The following RALGPS1 variants were observed in gnomAD, a reference collection of about 807,000 sequenced individuals.
RALGPS1 encodes ras-specific guanine nucleotide-releasing factor RalGPS1.
Under a neutral mutation model 78.8 loss-of-function variants are expected in RALGPS1, and 19 were observed. The ratio of observed to expected loss-of-function variants is 0.24; its 90% confidence interval spans 0.17 to 0.35. The LOEUF (loss-of-function observed/expected upper bound fraction) is 0.35. Ranked by LOEUF, RALGPS1 falls within the 10% of genes least tolerant of loss-of-function variation. The pLI, the probability that RALGPS1 is intolerant of heterozygous loss-of-function variation, is 1.00. For synonymous variants in RALGPS1, 228 were observed against 256.3 expected, an observed-to-expected ratio of 0.89 and a Z score of 1.06; for missense variants, 454 against 688.3, an observed-to-expected ratio of 0.66 and a Z score of 3.81.
intron 4 of RALGPS1, among the ~76,000 whole-genome samples, chr9:127,032,891 A>G (rs1280546106): frequency 1.3e-5 from 2 of 152,268 alleles, no homozygotes; most frequent in Non-Finnish European, 2.9e-5. Flanking sequence ...GAAGAATCAT[A>G]GTAAACAGCT....
chr9:126,998,750 G>A lies in RALGPS1; in HGVS notation c.216+21005G>A, dbSNP rs370166686. 4.0e-5 allele frequency among the ~76,000 whole-genome samples: 6 copies of A among 151,870 alleles called. No individual in the cohort carries two copies. The South Asian group carries it at 6.2e-4, about 16-fold the overall frequency. On this transcript the variant is annotated intron_variant, in intron 4 of 18. Transcript: ENST00000259351. ...TTATAGCGGCACTATTCACAATAGCGAAGACTTGGAACCAACCTAAATGTC... is the reference window on the plus strand; with the variant it reads ...TTATAGCGGCACTATTCACAATAGCAAAGACTTGGAACCAACCTAAATGTC...
chr9:127,024,625 TTG>T (rs1417426425), intron 4 of RALGPS1, among the ~76,000 whole-genome samples: 1 of 152,056 alleles, frequency 6.6e-6, no homozygotes, highest in Non-Finnish European at 1.5e-5. Flanking sequence ...TATGCCAGGA[TTG>T]TGTTTCATTC....
intron 1 of RALGPS1, among the ~76,000 whole-genome samples, chr9:126,920,338 G>T (rs574312208): frequency 2.0e-5 from 3 of 152,312 alleles, no homozygotes; most frequent in South Asian, 4.1e-4. Context: ...TATATGCTAG[G>T]TGTAGGCTTT....
In RALGPS1 at chr9:126,977,753, CTTTG is replaced by C; in HGVS notation, c.216+10_216+13del. The C allele has an allele frequency of 6.3e-7, 1 of 1,589,818 alleles. No homozygotes were observed. The highest frequency in any genetic ancestry group is 8.6e-7 in the Non-Finnish European group (1 of 1,163,508). On this transcript the variant is annotated intron_variant, in intron 4 of 18. Transcript: ENST00000259351. ...AAAGCTATCCAGCCGGAGGTCTGTACTTTGTCTTTCTACTCTTCTATTCATGCTG... is the reference window on the plus strand; with the variant it reads ...AAAGCTATCCAGCCGGAGGTCTGTACTCTTTCTACTCTTCTATTCATGCTG...
intron 4 of RALGPS1, among the ~76,000 whole-genome samples, chr9:127,003,292 G>T (rs1041560130): frequency 6.6e-6 from 1 of 151,834 alleles, no homozygotes; most frequent in African/African-American, 2.4e-5. Flanking sequence ...GAAAATTTTC[G>T]CAACCTACTC....
At position 127,013,158 on chromosome 9, in the gene RALGPS1, G is replaced by A. The variant is rs890790433; in HGVS notation, c.217-21273G>A. 1.9e-4 allele frequency among the ~76,000 whole-genome samples: 29 copies of A among 152,326 alleles called. 1 individual carries two copies. Among genetic ancestry groups the A allele is most frequent in the Admixed American group, 1.6e-3 (25 of 15,298 alleles). On this transcript the variant is annotated intron_variant, in intron 4 of 18. Coordinates refer to ENST00000259351, the MANE Select transcript of RALGPS1 (RefSeq NM_014636.3). ...TGAACACAGGTAAGGCAGTTGGGAA[G>A]AAAGTGGCCATGTACAGGGACCAGT...
Position 127,212,236 on chromosome 9 carries a change from G to A in RALGPS1, c.1353G>A (p.Ala451=), listed in dbSNP as rs111995555. Reference sequence around the variant, plus strand: ...TGCTCAAGGAAGGGCGGAAGCCTGCGGTAAGTACAGACCCACATCCACCGG... The same window carrying A: ...TGCTCAAGGAAGGGCGGAAGCCTGCAGTAAGTACAGACCCACATCCACCGG... ...KTLLKEGRKP[A]LSSWTRYWVI... Residue 451 remains alanine, a splice_region_variant and synonymous_variant, in exon 15 of 19, where the codon GCG becomes GCA. Transcript: ENST00000259351. This position sits in a 1 kb window ranked among gnomAD's most constrained non-coding sequence, Gnocchi z 6.0. The A allele has an allele frequency of 3.2e-5, 51 of 1,609,342 alleles. 2 individuals are homozygous for A. The highest frequency in any genetic ancestry group is 1.9e-4 in the African/African-American group (14 of 74,874).
intron 4 of RALGPS1, among the ~76,000 whole-genome samples, chr9:127,015,762 A>G (rs1005723986): frequency 1.3e-5 from 2 of 152,056 alleles, no homozygotes. Context: ...GGGACACTTC[A>G]TGTATACCAC....
chr9:126,966,832 A>C (rs2039554112), intron 3 of RALGPS1, among the ~76,000 whole-genome samples: 1 of 152,182 alleles, frequency 6.6e-6, no homozygotes, highest in South Asian at 2.1e-4. Context: ...TCCCGGTCTA[A>C]CTAAGGGACT....
chr9:127,208,267 C>G (rs894108045), intron 14 of RALGPS1, among the ~76,000 whole-genome samples: 1 of 152,222 alleles, frequency 6.6e-6, no homozygotes, highest in Non-Finnish European at 1.5e-5. Context: ...CAGACACTGA[C>G]AAATCCCAGG....
At chr9:127,020,192 T>A (rs1306695521) in intron 4 of RALGPS1, among the ~76,000 whole-genome samples, 1 of 152,234 alleles carries the variant, frequency 6.6e-6, no homozygotes, top group Non-Finnish European at 1.5e-5. Context: ...CCATGTGGTC[T>A]TGGAACCTTT....
chr9:126,998,533 A>T (rs1167904951), intron 4 of RALGPS1, among the ~76,000 whole-genome samples: 1 of 152,198 alleles, frequency 6.6e-6, no homozygotes, highest in African/African-American at 2.4e-5. Context: ...GCTGGAGAGG[A>T]TGTGGAGAAA....
intron 8 of RALGPS1, among the ~76,000 whole-genome samples, chr9:127,087,038 C>T (rs542318812): frequency 6.6e-6 from 1 of 152,278 alleles, no homozygotes; most frequent in South Asian, 2.1e-4. Context: ...AGGGACCAGA[C>T]CTGGAAGAAA....
At chr9:127,027,473 T>TTC (rs1474604299) in intron 4 of RALGPS1, among the ~76,000 whole-genome samples, 2 of 152,206 alleles carry the variant, frequency 1.3e-5, no homozygotes, top group Admixed American at 6.5e-5. Context: ...TTAAGAGTTA[T>TTC]AGAAAAAGAT....
chr9:127,160,763 A>G (rs2058975669), intron 8 of RALGPS1, among the ~76,000 whole-genome samples: 1 of 152,204 alleles, frequency 6.6e-6, no homozygotes, highest in African/African-American at 2.4e-5. Flanking sequence ...CTTTGGAGTC[A>G]GGCAGTCCTG....
In RALGPS1 at chr9:127,093,943, G is replaced by T. The variant is rs765056641; in HGVS notation, c.610+24587G>T. Reference sequence around the variant, plus strand: ...TCCATGGGCCTGGGGACACAGACATGCATATACATCACAGACCTGCCTGTC... The same window carrying T: ...TCCATGGGCCTGGGGACACAGACATTCATATACATCACAGACCTGCCTGTC... On this transcript the variant is annotated intron_variant, in intron 8 of 18. Coordinates refer to ENST00000259351, the MANE Select transcript of RALGPS1 (RefSeq NM_014636.3). The T allele has an allele frequency of 1.3e-5, 21 of 1,611,754 alleles. No homozygotes were observed. In the South Asian group the frequency reaches 2.3e-4, roughly 18 times the overall value.
intron 1 of RALGPS1, among the ~76,000 whole-genome samples, chr9:126,929,172 A>G (rs1228189586): frequency 6.6e-6 from 1 of 152,264 alleles, no homozygotes; most frequent in African/African-American, 2.4e-5. Flanking sequence ...TGAAATGAAC[A>G]ACATCAACAG....
intron 3 of RALGPS1, among the ~76,000 whole-genome samples, chr9:126,966,254 C>T (rs2039483044): frequency 6.6e-6 from 1 of 152,126 alleles, no homozygotes; most frequent in South Asian, 2.1e-4. Flanking sequence ...CAAGGTGGCT[C>T]ACGCCTATAA....
chr9:126,918,377 G>A (rs969001271), intron 1 of RALGPS1, among the ~76,000 whole-genome samples: 3 of 152,176 alleles, frequency 2.0e-5, no homozygotes, highest in South Asian at 2.1e-4. Flanking sequence ...CCCTCTGTTA[G>A]CCAGATTGGA....
Sources: gnomAD v4.1 joint callset for allele counts (sites outside exome capture counted in the v4.1 genomes callset) on GRCh38, gnomAD v4.1.1 for gene constraint, Gnocchi (gnomAD v3.1) non-coding constraint, MANE v1.5 for transcripts, NCBI Gene and HGNC (gene_info 2026-07-23, HGNC 2026-07-21) for gene names.